WDR7: variants seen among roughly 807,000 people sequenced by gnomAD.
WDR7 encodes the protein WD repeat-containing protein 7.
Under a neutral mutation model 169.4 loss-of-function variants are expected in WDR7, and 46 were observed. That is an observed-to-expected ratio of 0.27 (90% CI 0.21 to 0.35). WDR7 has a LOEUF of 0.35. Among genes scored for constraint, WDR7 ranks in the 10% least tolerant of loss-of-function variants. The pLI, the probability that WDR7 is intolerant of heterozygous loss-of-function variation, is 1.00. For missense variants in WDR7, 1,534 were observed against 1,859.3 expected, an observed-to-expected ratio of 0.83 and a Z score of 3.22; for synonymous variants, 612 against 666.8, an observed-to-expected ratio of 0.92 and a Z score of 1.27.
At position 56,701,863 on chromosome 18, in the gene WDR7, G is replaced by A. The variant is rs74654267; in HGVS notation, c.1578+5401G>A. On this transcript the variant is annotated intron_variant, in intron 12 of 27. Transcript: ENST00000254442. Reference sequence around the variant, plus strand: ...TGGTTCCCTTAACCTTGAGTGCAATGTCTTATTAATCCTTCAGATATTTTC... The same window carrying A: ...TGGTTCCCTTAACCTTGAGTGCAATATCTTATTAATCCTTCAGATATTTTC... 2.7e-3 allele frequency among the ~76,000 whole-genome samples: 413 copies of A among 152,236 alleles called. 4 individuals carry two copies. The East Asian group carries it at 0.037, about 13-fold the overall frequency.
chr18:56,892,875 A>G (rs939480299), intron 21 of WDR7, among the ~76,000 whole-genome samples: 16 of 152,052 alleles, frequency 1.1e-4, no homozygotes, highest in Non-Finnish European at 1.6e-4. Flanking sequence ...ATGAGATTAC[A>G]TCATCAAGAC....
At chr18:56,960,191 T>C (rs1244398112) in intron 25 of WDR7, among the ~76,000 whole-genome samples, 1 of 152,162 alleles carries the variant, frequency 6.6e-6, no homozygotes, top group Non-Finnish European at 1.5e-5. Flanking sequence ...AAGTAACGAT[T>C]TGATTCCAGG....
At chr18:56,875,583 C>T (rs2046011557) in intron 20 of WDR7, among the ~76,000 whole-genome samples, 1 of 152,106 alleles carries the variant, frequency 6.6e-6, no homozygotes, top group African/African-American at 2.4e-5. Context: ...TGCAGTTCTC[C>T]TCTAGAGTTA....
intron 19 of WDR7, among the ~76,000 whole-genome samples, chr18:56,793,651 AT>A (rs1213473173): frequency 6.6e-6 from 1 of 152,108 alleles, no homozygotes; most frequent in East Asian, 1.9e-4. Flanking sequence ...TCTTTTTATC[AT>A]TGGTTATACA....
intron 27 of WDR7, among the ~76,000 whole-genome samples, chr18:57,026,110 G>T (rs1825980786): frequency 6.6e-6 from 1 of 152,158 alleles, no homozygotes; most frequent in Non-Finnish European, 1.5e-5. Context: ...GTAATATTTA[G>T]AATCTAAAGA....
intron 26 of WDR7, among the ~76,000 whole-genome samples, chr18:56,994,764 C>T (rs1241579677): frequency 6.6e-6 from 1 of 152,190 alleles, no homozygotes; most frequent in Non-Finnish European, 1.5e-5. Flanking sequence ...TTGCATGCTA[C>T]TCTAGCACAC....
intron 14 of WDR7, among the ~76,000 whole-genome samples, chr18:56,734,719 A>G (rs901463167): frequency 6.6e-6 from 1 of 151,800 alleles, no homozygotes; most frequent in African/African-American, 2.4e-5. Context: ...TTTTTTGTTC[A>G]TACGTTTCCC....
intron 26 of WDR7, among the ~76,000 whole-genome samples, chr18:56,991,546 GA>G (rs1057026769): frequency 2.8e-4 from 43 of 152,016 alleles, no homozygotes; most frequent in African/African-American, 9.7e-4. Context: ...CTGTTGGGGG[GA>G]AAAAAGAACT....
At chr18:56,769,835 A>G (rs1199101340) in intron 16 of WDR7, among the ~76,000 whole-genome samples, 1 of 152,214 alleles carries the variant, frequency 6.6e-6, no homozygotes, top group Non-Finnish European at 1.5e-5. Flanking sequence ...AGAGAAATAA[A>G]CAGTACTTAA....
intron 21 of WDR7, among the ~76,000 whole-genome samples, chr18:56,884,367 G>A (rs2046156459): frequency 6.6e-6 from 1 of 152,094 alleles, no homozygotes; most frequent in African/African-American, 2.4e-5. Flanking sequence ...TGTTCTTACT[G>A]ATTTGTTTGA....
chr18:57,010,170 A>G (rs939926399), intron 26 of WDR7: 1 of 985,358 alleles, frequency 1.0e-6, no homozygotes, highest in Non-Finnish European at 1.2e-6. Context: ...GACTTCTAGC[A>G]TGTGTTCAAA....
intron 20 of WDR7, among the ~76,000 whole-genome samples, chr18:56,877,485 G>A (rs373080371): frequency 6.6e-6 from 1 of 152,180 alleles, no homozygotes; most frequent in South Asian, 2.1e-4. Context: ...CAGGGACTGA[G>A]AGTGAACGTT....
At chr18:56,793,012 G>A (rs892131956) in intron 19 of WDR7, among the ~76,000 whole-genome samples, 1 of 152,114 alleles carries the variant, frequency 6.6e-6, no homozygotes, top group Non-Finnish European at 1.5e-5. Flanking sequence ...TTCATAGTAG[G>A]TTGCACCCAG....
chr18:56,847,897 G>A (rs2045589691), intron 20 of WDR7, among the ~76,000 whole-genome samples: 1 of 152,248 alleles, frequency 6.6e-6, no homozygotes. Context: ...AACTCTGGGA[G>A]CCCAGGCAGA....
chr18:56,776,155 T>C (rs2044240020), intron 16 of WDR7, among the ~76,000 whole-genome samples: 2 of 151,946 alleles, frequency 1.3e-5, no homozygotes, highest in Admixed American at 1.3e-4. Flanking sequence ...AAATTTTTTT[T>C]TAGCATAGGG....
At chr18:56,927,117 C>G (rs2046819232) in intron 22 of WDR7, among the ~76,000 whole-genome samples, 1 of 152,130 alleles carries the variant, frequency 6.6e-6, no homozygotes, top group Non-Finnish European at 1.5e-5. Flanking sequence ...AGCAGTGTTT[C>G]CTACTTTCTT....
chr18:56,954,843 G>GA (rs1359606548), intron 25 of WDR7, among the ~76,000 whole-genome samples: 1 of 152,234 alleles, frequency 6.6e-6, no homozygotes, highest in East Asian at 1.9e-4. Flanking sequence ...TGAACTGAAT[G>GA]AAAAAACTAA....
At chr18:56,809,633 G>A (rs1031089177) in intron 19 of WDR7, among the ~76,000 whole-genome samples, 2 of 149,488 alleles carry the variant, frequency 1.3e-5, no homozygotes, top group Non-Finnish European at 2.9e-5. Context: ...TTCTTTGGTA[G>A]TGGATAGTAC....
intron 20 of WDR7, among the ~76,000 whole-genome samples, chr18:56,820,588 G>A (rs2045078018): frequency 6.6e-6 from 1 of 151,934 alleles, no homozygotes; most frequent in South Asian, 2.1e-4. Context: ...CTATTCCTGT[G>A]TATTTAGTGC....
Sources: allele counts gnomAD v4.1 joint callset (sites outside exome capture counted in the v4.1 genomes callset), GRCh38; gene constraint gnomAD v4.1.1; transcripts MANE v1.5; gene names NCBI Gene and HGNC (gene_info 2026-07-23, HGNC 2026-07-21).